PLA2G4A: variants seen among roughly 807,000 people sequenced by gnomAD.
The protein encoded by PLA2G4A is cytosolic phospholipase A2.
A neutral mutation model predicts 81.9 loss-of-function variants in PLA2G4A; 40 were observed. The ratio of observed to expected loss-of-function variants is 0.49; its 90% confidence interval spans 0.38 to 0.64. PLA2G4A has a LOEUF of 0.64. PLA2G4A is among the 30% of genes least tolerant of loss of function. The pLI is 0.00. For synonymous variants in PLA2G4A, 302 were observed against 296.9 expected, an observed-to-expected ratio of 1.02 and a Z score of -0.18; for missense variants, 715 against 905.1, an observed-to-expected ratio of 0.79 and a Z score of 2.69.
intron 3 of PLA2G4A, among the ~76,000 whole-genome samples, chr1:186,871,864 T>C (rs1270292304): frequency 6.6e-6 from 1 of 151,936 alleles, no homozygotes; most frequent in African/African-American, 2.4e-5. Flanking sequence ...TAGGTTTTTC[T>C]TTTTTTTCAA....
intron 5 of PLA2G4A, among the ~76,000 whole-genome samples, chr1:186,895,155 C>T (rs1654290796): frequency 6.6e-6 from 1 of 152,136 alleles, no homozygotes; most frequent in Non-Finnish European, 1.5e-5. Context: ...TTCAATGTTT[C>T]ATTTTCCTCT....
intron 5 of PLA2G4A, among the ~76,000 whole-genome samples, chr1:186,901,400 T>C (rs1405238653): frequency 1.3e-5 from 2 of 152,190 alleles, no homozygotes; most frequent in East Asian, 1.9e-4. Context: ...GTAAGTTCTA[T>C]CATGGAGTAG....
At chr1:186,845,467 C>G (rs1377536902) in intron 1 of PLA2G4A, among the ~76,000 whole-genome samples, 1 of 152,038 alleles carries the variant, frequency 6.6e-6, no homozygotes, top group Non-Finnish European at 1.5e-5. Flanking sequence ...GGTCAGGATC[C>G]CACAGATAGA....
Position 186,919,622 on chromosome 1 carries a change from G to T in PLA2G4A, c.558+8233G>T, listed in dbSNP as rs1489141998. 5.9e-5 allele frequency among the ~76,000 whole-genome samples: 9 copies of T among 152,218 alleles called. No homozygotes were observed. The East Asian group carries it at 9.7e-4, about 16-fold the overall frequency. On this transcript the variant is annotated intron_variant, in intron 7 of 17. Transcript: ENST00000367466. ...AGTTCTTGAACCCTTGGGGAAGCCG[G>T]GTCCAAGTGTACTGAGTAGTGACAC...
chr1:186,830,676 A>C (rs1041166914), intron 1 of PLA2G4A, among the ~76,000 whole-genome samples: 3 of 151,256 alleles, frequency 2.0e-5, no homozygotes, highest in Admixed American at 2.0e-4. Context: ...TTTACATTTA[A>C]TTAGGAAAAG....
intron 2 of PLA2G4A, among the ~76,000 whole-genome samples, chr1:186,858,224 C>G (rs904083734): frequency 2.0e-5 from 3 of 152,168 alleles, no homozygotes; most frequent in Non-Finnish European, 4.4e-5. Context: ...GTCCCACCAA[C>G]AGTGTAAAAG....
At chr1:186,937,738 A>G (rs529680987) in intron 8 of PLA2G4A, among the ~76,000 whole-genome samples, 1 of 125,170 alleles carries the variant, frequency 8.0e-6, no homozygotes, top group Non-Finnish European at 1.9e-5. Flanking sequence ...ACTAAAAAAA[A>G]AATAGCCTAC....
intron 6 of PLA2G4A, among the ~76,000 whole-genome samples, chr1:186,907,862 A>C (rs561892322): frequency 6.6e-6 from 1 of 152,228 alleles, no homozygotes; most frequent in Non-Finnish European, 1.5e-5. Context: ...ATATCAAAGG[A>C]TAGTCCAAGT....
At chr1:186,906,190 C>A (rs1053879679) in intron 5 of PLA2G4A, among the ~76,000 whole-genome samples, 1 of 152,168 alleles carries the variant, frequency 6.6e-6, no homozygotes, top group Non-Finnish European at 1.5e-5. Context: ...TAACAATCTA[C>A]AATTACATTT....
At chr1:186,877,695 G>A (rs1653552918) in intron 3 of PLA2G4A, among the ~76,000 whole-genome samples, 1 of 107,330 alleles carries the variant, frequency 9.3e-6, no homozygotes, top group Admixed American at 1.3e-4. Context: ...TAAGGCCTGA[G>A]GCTTACTCAC....
intron 1 of PLA2G4A, among the ~76,000 whole-genome samples, chr1:186,836,337 TAA>T (rs973268077): frequency 1.4e-4 from 21 of 150,886 alleles, no homozygotes; most frequent in African/African-American, 5.1e-4. Context: ...AATATGTACA[TAA>T]GATATTAATC....
In PLA2G4A at chr1:186,876,917, G is replaced by A. The variant is rs185178995; in HGVS notation, c.115+6401G>A. Among the ~76,000 whole-genome samples, 798 of 152,106 alleles carry A rather than the reference G, an allele frequency of 5.2e-3. 2 individuals are homozygous for A. The highest frequency in any genetic ancestry group is 7.9e-3 in the South Asian group (38 of 4,828). On this transcript the variant is annotated intron_variant, in intron 3 of 17. Transcript: ENST00000367466. The stretch of plus-strand genomic sequence containing the variant: ...GCCTCAGTCCTCTCACCTGTAGGGC[G>A]ACCTGCTTAATCCTCTTCAGAGGTC...
chr1:186,965,112 A>G (rs1211933072), intron 14 of PLA2G4A, among the ~76,000 whole-genome samples: 5 of 152,262 alleles, frequency 3.3e-5, no homozygotes, highest in African/African-American at 9.6e-5. Context: ...AAGTGATCAT[A>G]GCTTAGAGTT....
chr1:186,906,359 T>G (rs1654737257), intron 5 of PLA2G4A, among the ~76,000 whole-genome samples: 1 of 152,214 alleles, frequency 6.6e-6, no homozygotes, highest in African/African-American at 2.4e-5. Context: ...CTTCAATATG[T>G]TTGATAGGCT....
chr1:186,891,992 G>A (rs1323439939), intron 3 of PLA2G4A, among the ~76,000 whole-genome samples: 1 of 152,062 alleles, frequency 6.6e-6, no homozygotes, highest in Non-Finnish European at 1.5e-5. Context: ...ATTTTATCCA[G>A]GTGAGATGAG....
chr1:186,875,111 A>T (rs967732422), intron 3 of PLA2G4A, among the ~76,000 whole-genome samples: 1 of 152,068 alleles, frequency 6.6e-6, no homozygotes, highest in African/African-American at 2.4e-5. Context: ...TGATGTAGAC[A>T]TTGCTGACCC....
intron 15 of PLA2G4A, among the ~76,000 whole-genome samples, chr1:186,975,617 A>G (rs1405168097): frequency 6.6e-6 from 1 of 152,214 alleles, no homozygotes; most frequent in Non-Finnish European, 1.5e-5. Context: ...CTGAGAAATA[A>G]GAAACAGATG....
At chr1:186,940,616 G>T (rs569505363) in intron 10 of PLA2G4A, among the ~76,000 whole-genome samples, 61 of 152,126 alleles carry the variant, frequency 4.0e-4, no homozygotes, top group African/African-American at 1.5e-3. Flanking sequence ...ATCATCTCTA[G>T]GTTATTTACA....
intron 3 of PLA2G4A, among the ~76,000 whole-genome samples, chr1:186,882,615 G>T (rs1363001134): frequency 2.0e-5 from 3 of 152,062 alleles, no homozygotes; most frequent in East Asian, 1.9e-4. Flanking sequence ...TTGATGGGGG[G>T]TTGGGAGGGA....
Sources: allele counts gnomAD v4.1 joint callset (sites outside exome capture counted in the v4.1 genomes callset), GRCh38; gene constraint gnomAD v4.1.1; transcripts MANE v1.5; gene names NCBI Gene and HGNC (gene_info 2026-07-23, HGNC 2026-07-21).